MAGI2: variants seen among roughly 807,000 people sequenced by gnomAD.
The protein encoded by MAGI2 is membrane associated guanylate kinase, WW and PDZ domain containing 2.
Under a neutral mutation model 133.3 loss-of-function variants are expected in MAGI2, and 35 were observed. The ratio of observed to expected loss-of-function variants is 0.26; its 90% CI spans 0.20 to 0.35. The LOEUF (loss-of-function observed/expected upper bound fraction) is 0.35. Among genes scored for constraint, MAGI2 ranks in the 10% least tolerant of loss-of-function variants. The probability of loss-of-function intolerance (pLI) is 1.00; values close to 1 mark genes in which losing one functional copy is unlikely to be tolerated. For synonymous variants in MAGI2, 729 were observed against 710.6 expected (o/e 1.03, Z -0.41); for missense variants, 1,636 against 1,863.4 (o/e 0.88, Z 2.25).
intron 21 of MAGI2, among the ~76,000 whole-genome samples, chr7:78,041,686 G>GCAAAACAAAACAAAAC (rs1198827987): frequency 3.3e-5 from 5 of 152,120 alleles, no homozygotes; most frequent in African/African-American, 1.2e-4. Flanking sequence ...AAAACAAAAA[G>GCAAAACAAAACAAAAC]CAAAACAAAA....
At chr7:79,226,102 A>G (rs1830831311) in intron 1 of MAGI2, among the ~76,000 whole-genome samples, 1 of 152,214 alleles carries the variant, frequency 6.6e-6, no homozygotes, top group African/African-American at 2.4e-5. Flanking sequence ...AAAAATTAAG[A>G]TAAAAGTGAA....
chr7:78,447,679 A>G (rs1460669109), intron 6 of MAGI2, among the ~76,000 whole-genome samples: 6 of 152,172 alleles, frequency 3.9e-5, no homozygotes, highest in Admixed American at 2.0e-4. Context: ...AATCATCTGC[A>G]AAGACTAGGA....
intron 9 of MAGI2, among the ~76,000 whole-genome samples, chr7:78,300,456 A>G (rs1430730579): frequency 6.6e-6 from 1 of 152,210 alleles, no homozygotes; most frequent in Non-Finnish European, 1.5e-5. Context: ...ACCATAAACA[A>G]CGTGAAATTT....
At chr7:78,317,767 C>G (rs983283375) in intron 9 of MAGI2, among the ~76,000 whole-genome samples, 26 of 152,300 alleles carry the variant, frequency 1.7e-4, no homozygotes, top group Admixed American at 1.2e-3. Flanking sequence ...GGGTGCCCCA[C>G]TAGGATGAAG....
Position 79,186,191 on chromosome 7 carries a change from AATATATATATATAT to A in MAGI2, c.302-178999_302-178986del, listed in dbSNP as rs60719172. 8.1e-3 allele frequency among the ~76,000 whole-genome samples: 908 copies of A among 111,586 alleles called. 11 individuals are homozygous for A. The highest frequency in any genetic ancestry group is 0.043 in the African/African-American group (820 of 19,206). The allele number at this position is 111,586 out of a possible 152,430, so 73.2% of individuals were successfully genotyped here. On this transcript the variant is annotated intron_variant, in intron 1 of 21. Transcript: ENST00000354212. ...GAGGCCAGCCCTATTTGCCTGGGAA[AATATATATATATAT>A]ATATATATATATATATATATATATA...
intron 21 of MAGI2, among the ~76,000 whole-genome samples, chr7:78,074,424 C>G (rs1481906767): frequency 6.6e-6 from 1 of 151,990 alleles, no homozygotes; most frequent in Non-Finnish European, 1.5e-5. Context: ...GGTCTTGCTT[C>G]AAAGCTGTCC....
At chr7:78,360,715 C>T (rs1386472376) in intron 7 of MAGI2, among the ~76,000 whole-genome samples, 3 of 152,216 alleles carry the variant, frequency 2.0e-5, no homozygotes, top group Non-Finnish European at 4.4e-5. Context: ...TCCCCTCTTC[C>T]AGCAGGAGGG....
chr7:79,148,457 C>A (rs940524668), intron 1 of MAGI2, among the ~76,000 whole-genome samples: 2 of 152,098 alleles, frequency 1.3e-5, no homozygotes, highest in Non-Finnish European at 2.9e-5. Context: ...GGTCTCTCAG[C>A]ATTTAACCAT....
At chr7:78,503,244 G>A (rs10257560) in intron 4 of MAGI2, among the ~76,000 whole-genome samples, 80,921 of 151,906 alleles carry the variant, frequency 0.53, 21,688 homozygotes, top group South Asian at 0.66. Context: ...CTGAATGTAT[G>A]CTCTCCAAGT....
chr7:78,517,304 A>G (rs1796126317), intron 4 of MAGI2, among the ~76,000 whole-genome samples: 2 of 152,124 alleles, frequency 1.3e-5, no homozygotes, highest in African/African-American at 4.8e-5. Context: ...AAAGACAAAT[A>G]CAATGGAATA....
At chr7:79,118,743 AC>A (rs535977527) in intron 1 of MAGI2, among the ~76,000 whole-genome samples, 135 of 152,136 alleles carry the variant, frequency 8.9e-4, no homozygotes, top group African/African-American at 3.2e-3. Context: ...ATTTTGCACT[AC>A]CCATATCCCT....
At chr7:78,884,491 C>T (rs1215095671) in intron 2 of MAGI2, among the ~76,000 whole-genome samples, 1 of 151,800 alleles carries the variant, frequency 6.6e-6, no homozygotes, top group Non-Finnish European at 1.5e-5. Flanking sequence ...AATAAATAAA[C>T]ATATAAATAA....
At chr7:79,298,988 C>T (rs552860273) in intron 1 of MAGI2, among the ~76,000 whole-genome samples, 1 of 152,240 alleles carries the variant, frequency 6.6e-6, no homozygotes, top group South Asian at 2.1e-4. Context: ...GTATAAGCCA[C>T]CCCATGGTAT....
chr7:78,272,478 C>A (rs929661853), intron 9 of MAGI2, among the ~76,000 whole-genome samples: 2 of 152,120 alleles, frequency 1.3e-5, no homozygotes, highest in East Asian at 3.9e-4. Context: ...GAGCTGAGTT[C>A]AAGTCCTGGA....
rs1323713003 is a variant in MAGI2 at position 78,246,657 on chromosome 7, C to T, written c.2047+9286G>A. ...TGCTATTCTAGGGTTCTGGCTGCTG[C>T]ACCTGACCAAGTCTGGGATGCTGCT... On this transcript the variant is annotated intron_variant, in intron 10 of 21. Coordinates refer to ENST00000354212, the MANE Select transcript of MAGI2 (RefSeq NM_012301.4). 3.3e-5 allele frequency among the ~76,000 whole-genome samples: 5 copies of T among 152,296 alleles called. No individual in the cohort carries two copies. In the East Asian group the frequency reaches 7.7e-4, roughly 24 times the overall value.
intron 1 of MAGI2, among the ~76,000 whole-genome samples, chr7:79,107,200 T>C (rs2129543668): frequency 6.6e-6 from 1 of 152,226 alleles, no homozygotes; most frequent in African/African-American, 2.4e-5. Context: ...GCAGGATAGT[T>C]GAGGTAGAAG....
chr7:79,039,876 GTA>G (rs1423503936), intron 1 of MAGI2, among the ~76,000 whole-genome samples: 3 of 142,066 alleles, frequency 2.1e-5, no homozygotes, highest in Non-Finnish European at 3.0e-5. Flanking sequence ...TAATATATAT[GTA>G]TATATAATAT....
chr7:79,156,650 C>T (rs530955553), intron 1 of MAGI2, among the ~76,000 whole-genome samples: 1 of 152,044 alleles, frequency 6.6e-6, no homozygotes, highest in Non-Finnish European at 1.5e-5. Flanking sequence ...ATGTATCTCT[C>T]AAACATATTT....
At chr7:78,698,454 G>T (rs1329619897) in intron 2 of MAGI2, among the ~76,000 whole-genome samples, 2 of 152,146 alleles carry the variant, frequency 1.3e-5, no homozygotes, top group Admixed American at 1.3e-4. Flanking sequence ...CCACTGTGCT[G>T]CTTAGTTACC....
Sources: gnomAD v4.1 joint callset for allele counts (sites outside exome capture counted in the v4.1 genomes callset) on GRCh38, gnomAD v4.1.1 for gene constraint, MANE v1.5 for transcripts, NCBI Gene and HGNC (gene_info 2026-07-23, HGNC 2026-07-21) for gene names.